Variants in SGCG observed in about 807,000 individuals in gnomAD.
SGCG encodes the protein gamma-sarcoglycan.
In SGCG, 26 loss-of-function variants were observed where a neutral mutation model predicts 29.3. The observed-to-expected ratio is 0.89, with a 90% CI of 0.65 to 1.23. The LOEUF is 1.23. Among genes scored for constraint, SGCG ranks in the 50% most tolerant of loss-of-function variants. SGCG has a pLI of 0.00. For missense variants in SGCG, 353 were observed against 356.0 expected, an observed-to-expected ratio of 0.99 and a Z score of 0.07; for synonymous variants, 145 against 129.7, an observed-to-expected ratio of 1.12 and a Z score of -0.80.
chr13:23,198,276 G>T (rs930993237), intron 1 of SGCG, among the ~76,000 whole-genome samples: 2 of 152,108 alleles, frequency 1.3e-5, no homozygotes, highest in East Asian at 1.9e-4. Flanking sequence ...CCCAAACTAG[G>T]CATGACAATA....
intron 1 of SGCG, among the ~76,000 whole-genome samples, chr13:23,185,193 G>A (rs958467229): frequency 1.3e-5 from 2 of 152,124 alleles, no homozygotes; most frequent in African/African-American, 4.8e-5. Context: ...CATAGATAAA[G>A]TTGAATGGTA....
intron 1 of SGCG, among the ~76,000 whole-genome samples, chr13:23,193,657 C>T (rs914895465): frequency 1.3e-5 from 2 of 152,228 alleles, no homozygotes; most frequent in Admixed American, 6.5e-5. Context: ...TTGAAAATTA[C>T]GTTACTTTTT....
chr13:23,213,719 T>C (rs970589207), intron 2 of SGCG, among the ~76,000 whole-genome samples: 2 of 152,246 alleles, frequency 1.3e-5, no homozygotes, highest in African/African-American at 4.8e-5. Context: ...AACAAAAGAC[T>C]GTCTATCATA....
chr13:23,298,350 C>T (rs73441007), intron 6 of SGCG, among the ~76,000 whole-genome samples: 4,945 of 151,972 alleles, frequency 0.033, 252 homozygotes, highest in African/African-American at 0.11. Flanking sequence ...AGCCAGACTC[C>T]GTCTTTTTAT....
At chr13:23,252,677 T>C (rs12584036) in intron 4 of SGCG, among the ~76,000 whole-genome samples, 5,219 of 151,808 alleles carry the variant, frequency 0.034, 110 homozygotes, top group Admixed American at 0.048. Context: ...GGCGACAGAG[T>C]GAGACTGTGT....
chr13:23,310,776 C>A (rs574002463), intron 6 of SGCG, among the ~76,000 whole-genome samples: 1 of 152,064 alleles, frequency 6.6e-6, no homozygotes, highest in African/African-American at 2.4e-5. Flanking sequence ...CAATGATTGT[C>A]TTTTGTTTAT....
At chr13:23,244,201 T>C (rs1478884685) in intron 3 of SGCG, 4 of 152,164 alleles carry the variant, frequency 2.6e-5, no homozygotes, top group South Asian at 4.1e-4. Context: ...CAGGATTACA[T>C]ATCATATCAG....
intron 4 of SGCG, among the ~76,000 whole-genome samples, chr13:23,276,802 G>A (rs936638903): frequency 2.0e-5 from 3 of 152,196 alleles, no homozygotes; most frequent in African/African-American, 4.8e-5. Context: ...TCTTAGCCTC[G>A]ATGGATGGAC....
chr13:23,274,464 G>A (rs1299505698), intron 4 of SGCG, among the ~76,000 whole-genome samples: 1 of 135,100 alleles, frequency 7.4e-6, no homozygotes. Flanking sequence ...GTGCAGTGGT[G>A]CGATCTTGGC....
Position 23,324,416 on chromosome 13 carries a change from AC to A in SGCG, c.752del (p.Thr251SerfsTer29), listed in dbSNP as rs886042749. The A allele has an allele frequency of 1.2e-6, 2 of 1,614,046 alleles. No homozygotes were observed. Among genetic ancestry groups the A allele is most frequent in the Admixed American group, 3.3e-5 (2 of 60,014 alleles). On this transcript the variant is annotated frameshift_variant, in exon 8 of 8. Transcript: ENST00000218867. LOFTEE classifies it high-confidence loss of function. ...TVCLPKLVQG[T>X]WGPSGSSQSL... The stretch of plus-strand genomic sequence containing the variant: ...GTGCTTACCCAAGCTGGTGCAGGGG[AC>A]GTGGGGTCCCTCTGGCAGCTCACAG...
chr13:23,319,512 T>C (rs1342215788), intron 6 of SGCG, among the ~76,000 whole-genome samples: 1 of 152,120 alleles, frequency 6.6e-6, no homozygotes, highest in Non-Finnish European at 1.5e-5. Flanking sequence ...CAAATAGTCA[T>C]AGATTAAAAA....
At chr13:23,262,140 C>T (rs367666423) in intron 4 of SGCG, among the ~76,000 whole-genome samples, 9 of 151,834 alleles carry the variant, frequency 5.9e-5, no homozygotes, top group African/African-American at 1.2e-4. Flanking sequence ...CATGATAACT[C>T]GAACAGTACC....
At chr13:23,243,758 C>T (rs1306357778) in intron 3 of SGCG, 6 of 152,098 alleles carry the variant, frequency 3.9e-5, no homozygotes, top group Non-Finnish European at 7.4e-5. Flanking sequence ...AATTTATTCC[C>T]TGGGATCTCA....
chr13:23,202,215 C>T (rs554731453), intron 1 of SGCG, among the ~76,000 whole-genome samples: 19 of 152,264 alleles, frequency 1.2e-4, no homozygotes, highest in South Asian at 8.3e-4. Flanking sequence ...GGCGTTTGGA[C>T]ATTGTCACTG....
intron 5 of SGCG, among the ~76,000 whole-genome samples, chr13:23,293,497 T>C (rs1311912186): frequency 1.3e-5 from 2 of 152,184 alleles, no homozygotes; most frequent in East Asian, 1.9e-4. Context: ...AAAGCTAATA[T>C]AGCCAGTAAT....
intron 3 of SGCG, among the ~76,000 whole-genome samples, chr13:23,242,665 A>C (rs539839308): frequency 3.9e-5 from 6 of 152,292 alleles, no homozygotes; most frequent in African/African-American, 1.4e-4. Context: ...TCTAAAAGGC[A>C]TCATTAGCTA....
chr13:23,169,197 A>G, the SGCG span, among the ~76,000 whole-genome samples: 1 of 151,996 alleles, frequency 6.6e-6, no homozygotes, highest in East Asian at 1.9e-4. Context: ...CTCCTCATTC[A>G]TGTGAGCCAA....
At chr13:23,219,707 G>T (rs1448170513) in intron 2 of SGCG, among the ~76,000 whole-genome samples, 1 of 148,660 alleles carries the variant, frequency 6.7e-6, no homozygotes, top group Non-Finnish European at 1.5e-5. Context: ...TATACATGAT[G>T]TATCACCATA....
At chr13:23,167,607 G>A in the SGCG span, among the ~76,000 whole-genome samples, 1 of 152,198 alleles carries the variant, frequency 6.6e-6, no homozygotes, top group Non-Finnish European at 1.5e-5. Context: ...GCTGGGGTGA[G>A]ACAGTATCTT....
Sources: gnomAD v4.1 joint callset for allele counts (sites outside exome capture counted in the v4.1 genomes callset) on GRCh38, gnomAD v4.1.1 for gene constraint, MANE v1.5 for transcripts, NCBI Gene and HGNC (gene_info 2026-07-23, HGNC 2026-07-21) for gene names.